CDK5RAP2: variants seen among roughly 807,000 people sequenced by gnomAD.
CDK5RAP2 encodes CDK5 regulatory subunit-associated protein 2.
A neutral mutation model predicts 232.9 loss-of-function variants in CDK5RAP2; 147 were observed. That is an observed-to-expected ratio of 0.63 (90% CI 0.55 to 0.72). The LOEUF is 0.72. Among genes scored for constraint, CDK5RAP2 ranks in the 30% least tolerant of loss-of-function variants. The pLI, the probability that CDK5RAP2 is intolerant of heterozygous loss-of-function variation, is 0.00. For synonymous variants in CDK5RAP2, 833 were observed against 833.7 expected, an observed-to-expected ratio of 1.00 and a Z score of 0.01; for missense variants, 2,195 against 2,231.5, an observed-to-expected ratio of 0.98 and a Z score of 0.33.
rs144729934 is a variant in CDK5RAP2, at chr9:120,550,859, C to T, written c.239G>A (p.Arg80His). 1.5e-5 allele frequency: 25 copies of T among 1,613,140 alleles called. No homozygotes were observed. The highest frequency in any genetic ancestry group is 2.2e-5 in the East Asian group (1 of 44,852). ...CATTCTTTCCTCAAGGAAATAGATG[C>T]GGAGCTTTAGGTTAAAGTTTTCTTT... ...LKKENFNLKL[R>H]IYFLEERMQQ... Residue 80 changes from arginine (R) to histidine (H), a missense_variant, in exon 4 of 38, where the codon CGC becomes CAC. Physicochemically the swap from Arg to His is conservative, Grantham distance 29. Transcript: ENST00000349780.
chr9:120,526,231 A>G (rs565503193), intron 10 of CDK5RAP2, among the ~76,000 whole-genome samples: 2 of 152,146 alleles, frequency 1.3e-5, no homozygotes, highest in Non-Finnish European at 2.9e-5. Flanking sequence ...TTAGGCATGC[A>G]TGTCATCTGC....
At chr9:120,485,211 C>G (rs2038531547) in intron 14 of CDK5RAP2, among the ~76,000 whole-genome samples, 1 of 151,028 alleles carries the variant, frequency 6.6e-6, no homozygotes, top group African/African-American at 2.4e-5. Flanking sequence ...AAACTAAAAA[C>G]AAAATGATAA....
intron 3 of CDK5RAP2, among the ~76,000 whole-genome samples, chr9:120,566,070 T>C (rs1445383954): frequency 6.6e-6 from 1 of 152,228 alleles, no homozygotes; most frequent in Non-Finnish European, 1.5e-5. Flanking sequence ...CATCTGAGAC[T>C]AGAATAGGAC....
At chr9:120,416,178 T>C (rs566446750) in intron 27 of CDK5RAP2, among the ~76,000 whole-genome samples, 65 of 152,284 alleles carry the variant, frequency 4.3e-4, no homozygotes, top group African/African-American at 1.4e-3. Context: ...CAGTTGGACC[T>C]GAAGATAGCG....
At chr9:120,528,492 G>A (rs1485417711) in intron 9 of CDK5RAP2, among the ~76,000 whole-genome samples, 3 of 152,310 alleles carry the variant, frequency 2.0e-5, no homozygotes, top group South Asian at 2.1e-4. Flanking sequence ...TCCTAGCTAT[G>A]TGCTCTTAGG....
chr9:120,485,893 A>G (rs908559611), intron 14 of CDK5RAP2, among the ~76,000 whole-genome samples: 14 of 152,204 alleles, frequency 9.2e-5, no homozygotes, highest in African/African-American at 3.4e-4. Context: ...GCCCAGCCCA[A>G]GGGCTCCATA....
At chr9:120,541,351 A>G (rs1458395668) in intron 5 of CDK5RAP2, among the ~76,000 whole-genome samples, 1 of 152,208 alleles carries the variant, frequency 6.6e-6, no homozygotes, top group Non-Finnish European at 1.5e-5. Flanking sequence ...AAGTACTATT[A>G]TTATTCAGTT....
chr9:120,468,097 CCA>C, intron 17 of CDK5RAP2, 100 bp from the exon 18 acceptor site: 5 of 1,181,406 alleles, frequency 4.2e-6, no homozygotes, highest in Non-Finnish European at 6.3e-6. Flanking sequence ...CTCTTTGGCA[CCA>C]CAGTTACGGG....
At chr9:120,504,106 GT>G (rs1450605898) in intron 12 of CDK5RAP2, among the ~76,000 whole-genome samples, 12 of 152,156 alleles carry the variant, frequency 7.9e-5, no homozygotes, top group Admixed American at 7.9e-4. Flanking sequence ...GTACAATTCT[GT>G]GACAATTTCA....
At chr9:120,574,126 C>T (rs1434540757) in intron 1 of CDK5RAP2, among the ~76,000 whole-genome samples, 1 of 152,210 alleles carries the variant, frequency 6.6e-6, no homozygotes, top group African/African-American at 2.4e-5. Flanking sequence ...CAGGCAAACA[C>T]TGAAGTTTGA....
chr9:120,466,390 GC>G (rs2037380602), intron 18 of CDK5RAP2, among the ~76,000 whole-genome samples: 1 of 152,184 alleles, frequency 6.6e-6, no homozygotes, highest in Non-Finnish European at 1.5e-5. Context: ...ATGATGGGGA[GC>G]TGTGCTATGA....
At position 120,468,577 on chromosome 9, in the gene CDK5RAP2, G is replaced by A. The variant is rs141413282; in HGVS notation, c.1969-580C>T. Among the ~76,000 whole-genome samples, 601 of 152,346 alleles carry A rather than the reference G, an allele frequency of 3.9e-3. 11 individuals are homozygous for A. The highest frequency in any genetic ancestry group is 0.025 in the Admixed American group (390 of 15,304). On this transcript the variant is annotated intron_variant, in intron 17 of 37. Transcript: ENST00000349780. ...TATTATTCCTTGCAAAAATCCTGAGGAGGGGAACAGACTAGTGTGTCTCTC... is the reference window on the plus strand; with the variant it reads ...TATTATTCCTTGCAAAAATCCTGAGAAGGGGAACAGACTAGTGTGTCTCTC...
chr9:120,564,489 C>CCA (rs1554785689), intron 3 of CDK5RAP2, among the ~76,000 whole-genome samples: 1 of 38,258 alleles, frequency 2.6e-5, no homozygotes, highest in East Asian at 8.6e-4. Context: ...GACTCTGTCT[C>CCA]AAAAAAATAA....
intron 25 of CDK5RAP2, among the ~76,000 whole-genome samples, chr9:120,428,777 T>C (rs957016054): frequency 1.3e-5 from 2 of 152,210 alleles, no homozygotes; most frequent in African/African-American, 4.8e-5. Flanking sequence ...ATCATCCTGA[T>C]ACCAAAGCCG....
intron 25 of CDK5RAP2, among the ~76,000 whole-genome samples, chr9:120,432,531 G>C (rs1033797592): frequency 1.3e-5 from 2 of 152,074 alleles, no homozygotes; most frequent in Admixed American, 1.3e-4. Context: ...TCAAGAGCCA[G>C]ACCCCTTATA....
intron 12 of CDK5RAP2, among the ~76,000 whole-genome samples, chr9:120,496,061 C>T (rs1440200358): frequency 8.6e-3 from 560 of 65,410 alleles, no homozygotes; most frequent in Non-Finnish European, 0.012. Flanking sequence ...CCAGCCGCCC[C>T]GTCTGGGAGG....
At chr9:120,472,295 G>C (rs576224153) in intron 15 of CDK5RAP2, among the ~76,000 whole-genome samples, 1 of 152,200 alleles carries the variant, frequency 6.6e-6, no homozygotes, top group Admixed American at 6.5e-5. Context: ...TGGATACTTG[G>C]GTCATTTCCA....
intron 23 of CDK5RAP2, among the ~76,000 whole-genome samples, chr9:120,440,929 C>A (rs982524606): frequency 6.6e-6 from 1 of 152,246 alleles, no homozygotes; most frequent in South Asian, 2.1e-4. Context: ...GTGTTTCACT[C>A]ACTCACAACA....
At position 120,403,893 on chromosome 9, in the gene CDK5RAP2, C is replaced by T. The variant is rs747538264; in HGVS notation, c.5041+143G>A. On this transcript the variant is annotated intron_variant, in intron 33 of 37. Transcript: ENST00000349780. The surrounding 1 kb of genome is among the most constrained non-coding windows in gnomAD (Gnocchi z 4.2). ...CTGGCTTGAAGGAGAAGATCACCAG[C>T]TGGGGATGCTGAGAACTTGAAATCC... The T allele has an allele frequency of 2.9e-6, 2 of 695,408 alleles. No homozygotes were observed. Among genetic ancestry groups the T allele is most frequent in the Non-Finnish European group, 2.6e-6 (1 of 378,288 alleles). The allele number at this position is 695,408 out of a possible 1,614,324, so 43.1% of individuals were successfully genotyped here. A position where few individuals can be genotyped will look rare whatever the true frequency, so the allele number is the denominator to read the frequency against.
Sources: gnomAD v4.1 joint callset for allele counts (sites outside exome capture counted in the v4.1 genomes callset) on GRCh38, gnomAD v4.1.1 for gene constraint, Gnocchi (gnomAD v3.1) non-coding constraint, MANE v1.5 for transcripts, NCBI Gene and HGNC (gene_info 2026-07-23, HGNC 2026-07-21) for gene names.